EMC2: variants seen among roughly 807,000 people sequenced by gnomAD.
The protein encoded by EMC2 is ER membrane protein complex subunit 2, also known as TPR repeat protein 35.
Under a neutral mutation model 51.6 loss-of-function variants are expected in EMC2, and 37 were observed. The observed-to-expected ratio is 0.72, with a 90% CI of 0.55 to 0.94. EMC2 has a LOEUF of 0.94. EMC2 is among the 40% of genes least tolerant of loss of function. The pLI, the probability that EMC2 is intolerant of heterozygous loss-of-function variation, is 0.00. For synonymous variants in EMC2, 131 were observed against 112.4 expected, an observed-to-expected ratio of 1.17 and a Z score of -1.04; for missense variants, 359 against 350.9, an observed-to-expected ratio of 1.02 and a Z score of -0.18.
intron 3 of EMC2, among the ~76,000 whole-genome samples, chr8:108,450,985 T>G (rs1270884010): frequency 2.0e-5 from 3 of 152,268 alleles, no homozygotes; most frequent in East Asian, 1.9e-4. Flanking sequence ...GCAGACCACC[T>G]GAGGTCAGGA....
At position 108,479,028 on chromosome 8, in the gene EMC2, A is replaced by G. The variant is rs1563702210; in HGVS notation, c.725A>G (p.Asn242Ser). The G allele has an allele frequency of 6.3e-7, 1 of 1,578,182 alleles. No homozygotes were observed. The highest frequency in any genetic ancestry group is 8.6e-7 in the Non-Finnish European group (1 of 1,162,144). The change falls in exon 10 of 11, where the codon AAT becomes AGT. Residue 242 changes from asparagine to serine, a missense_variant. By Grantham distance (46) the Asn-to-Ser change is conservative. Coordinates refer to ENST00000220853, the MANE Select transcript of EMC2 (RefSeq NM_014673.5). Reference sequence around the variant, plus strand: ...TAGTCGGCAAGTCATATTGCTTCTAATCCAAAAGCAAGTGCAAAAACGAAA... The same window carrying G: ...TAGTCGGCAAGTCATATTGCTTCTAGTCCAAAAGCAAGTGCAAAAACGAAA... ...LYMSASHIASNPKASAKTKKD... is the reference protein window; with the variant it reads ...LYMSASHIASSPKASAKTKKD...
chr8:108,458,717 C>G (rs1216316164), intron 5 of EMC2, among the ~76,000 whole-genome samples: 2 of 152,146 alleles, frequency 1.3e-5, no homozygotes, highest in East Asian at 3.9e-4. Context: ...GACTCCAGGC[C>G]TGTGATGGGA....
At position 108,488,275 on chromosome 8, in the gene EMC2, C is replaced by T. The variant is rs764873962; in HGVS notation, c.*1677C>T. Among the ~76,000 whole-genome samples the T allele has an allele frequency of 6.6e-6, 1 of 151,680 alleles. No individual in the cohort carries two copies. The highest frequency in any genetic ancestry group is 1.9e-4 in the East Asian group (1 of 5,134). ...CTCCCGGGTTCAAGCGATTCTTGTGCCTCAGCCTCTGAGTAGCTGGGACTA... is the reference window on the plus strand; with the variant it reads ...CTCCCGGGTTCAAGCGATTCTTGTGTCTCAGCCTCTGAGTAGCTGGGACTA... On this transcript the variant is annotated 3_prime_UTR_variant, in exon 11 of 11. Coordinates refer to ENST00000220853, the MANE Select transcript of EMC2 (RefSeq NM_014673.5).
intron 5 of EMC2, among the ~76,000 whole-genome samples, chr8:108,462,548 C>A (rs1819355330): frequency 6.6e-6 from 1 of 152,204 alleles, no homozygotes; most frequent in East Asian, 1.9e-4. Context: ...ATTGATGTTA[C>A]AAATTTCCTT....
At chr8:108,455,274 A>G (rs1819123110) in intron 4 of EMC2, among the ~76,000 whole-genome samples, 1 of 151,946 alleles carries the variant, frequency 6.6e-6, no homozygotes, top group African/African-American at 2.4e-5. Context: ...CAATTTTGAA[A>G]GTTTGTATTG....
intron 7 of EMC2, among the ~76,000 whole-genome samples, chr8:108,472,947 A>G (rs1003150585): frequency 3.3e-5 from 5 of 151,938 alleles, no homozygotes; most frequent in Non-Finnish European, 7.4e-5. Context: ...CTCCTGGGCT[A>G]AAGTACTCTT....
intron 5 of EMC2, among the ~76,000 whole-genome samples, chr8:108,463,755 C>T (rs952902434): frequency 9.2e-5 from 14 of 152,098 alleles, no homozygotes; most frequent in African/African-American, 3.4e-4. Context: ...GTTAGAGCCA[C>T]TCTATCTTCA....
intron 7 of EMC2, among the ~76,000 whole-genome samples, chr8:108,471,932 G>A (rs1325191131): frequency 5.9e-5 from 9 of 151,832 alleles, no homozygotes. Flanking sequence ...AACAACACTG[G>A]ATACTATGAT....
At chr8:108,456,333 AAAAAAAAAAAAAAAG>A (rs944382357) in intron 5 of EMC2, among the ~76,000 whole-genome samples, 1 of 70,176 alleles carries the variant, frequency 1.4e-5, no homozygotes, top group East Asian at 4.0e-4. Flanking sequence ...ACTTCGTGTC[AAAAAAAAAAAAAAAG>A]AAAAAAAAAA....
chr8:108,471,496 C>T (rs1586189082), intron 7 of EMC2, among the ~76,000 whole-genome samples: 1 of 151,596 alleles, frequency 6.6e-6, no homozygotes. Flanking sequence ...ACATGTAATT[C>T]CAGCATCCTA....
chr8:108,446,418 A>G (rs1818879346), intron 1 of EMC2: 1 of 264,632 alleles, frequency 3.8e-6, no homozygotes, highest in South Asian at 3.4e-5. Flanking sequence ...AAGCTATCCT[A>G]GCAATTTTAG....
At position 108,487,386 on chromosome 8, in the gene EMC2, T is replaced by A. The variant is rs1378548795; in HGVS notation, c.*788T>A. On this transcript the variant is annotated 3_prime_UTR_variant, in exon 11 of 11. Coordinates refer to ENST00000220853, the MANE Select transcript of EMC2 (RefSeq NM_014673.5). Reference sequence around the variant, plus strand: ...TAGTTATTTTTAATTTTGAAAAAAATAAGAAAATTAAAACTATCCTTAGAA... The same window carrying A: ...TAGTTATTTTTAATTTTGAAAAAAAAAAGAAAATTAAAACTATCCTTAGAA... 6.6e-6 allele frequency among the ~76,000 whole-genome samples: 1 copy of A among 151,934 alleles called. No homozygotes were observed. Among genetic ancestry groups the A allele is most frequent in the Non-Finnish European group, 1.5e-5 (1 of 67,916 alleles).
intron 9 of EMC2, among the ~76,000 whole-genome samples, chr8:108,477,951 T>A (rs1303937056): frequency 6.6e-6 from 1 of 152,006 alleles, no homozygotes; most frequent in Non-Finnish European, 1.5e-5. Context: ...TGCCCAAAGA[T>A]GGGCACAGAG....
chr8:108,463,834 G>A (rs1421817843), intron 5 of EMC2, among the ~76,000 whole-genome samples: 1 of 151,766 alleles, frequency 6.6e-6, no homozygotes, highest in Non-Finnish European at 1.5e-5. Flanking sequence ...AAATCTTATT[G>A]CTTAAAATAC....
In EMC2 at chr8:108,446,647, A is replaced by C. The variant is rs561133072; in HGVS notation, c.40+2949A>C. ...AATGTGAACATTGGGAAGGGAGGCC[A>C]TATTTTTAGGAAATGAAGATGACTT... On this transcript the variant is annotated intron_variant, in intron 1 of 10. Transcript: ENST00000220853. 3.3e-5 allele frequency among the ~76,000 whole-genome samples: 5 copies of C among 152,324 alleles called. No homozygotes were observed. The East Asian group carries it at 7.7e-4, about 23-fold the overall frequency.
At chr8:108,452,996 T>C (rs748254485) in intron 3 of EMC2, 66 bp from the exon 4 acceptor site, 4 of 751,166 alleles carry the variant, frequency 5.3e-6, no homozygotes, top group Non-Finnish European at 6.6e-6. Context: ...GAAGACTATA[T>C]AGGCCATCCA....
At chr8:108,472,930 A>C (rs1020646675) in intron 7 of EMC2, among the ~76,000 whole-genome samples, 1 of 151,856 alleles carries the variant, frequency 6.6e-6, no homozygotes, top group Non-Finnish European at 1.5e-5. Flanking sequence ...CCCAGGCTAG[A>C]CTTGAGCTCC....
chr8:108,465,360 A>G (rs985862160), intron 5 of EMC2, among the ~76,000 whole-genome samples: 35 of 152,306 alleles, frequency 2.3e-4, no homozygotes, highest in Middle Eastern at 3.4e-3. Flanking sequence ...AAACATCACA[A>G]TAACCTTTAT....
At chr8:108,466,743 T>C (rs1810717805) in intron 5 of EMC2, among the ~76,000 whole-genome samples, 1 of 152,110 alleles carries the variant, frequency 6.6e-6, no homozygotes, top group East Asian at 1.9e-4. Flanking sequence ...CATGAACCAC[T>C]GCACCTGGCC....
Sources: gnomAD v4.1 joint callset for allele counts (sites outside exome capture counted in the v4.1 genomes callset) on GRCh38, gnomAD v4.1.1 for gene constraint, MANE v1.5 for transcripts, NCBI Gene and HGNC (gene_info 2026-07-23, HGNC 2026-07-21) for gene names.